The following LCORL variants were observed in gnomAD, a reference collection of about 807,000 sequenced individuals.
LCORL encodes ligand dependent nuclear receptor corepressor like, also known as ligand-dependent nuclear receptor corepressor-like protein.
LCORL carries 41 observed loss-of-function variants against 141.8 expected under a neutral mutation model. That is an observed-to-expected ratio of 0.29 (90% CI 0.23 to 0.38). LCORL has a LOEUF of 0.38. Among genes scored for constraint, LCORL ranks in the 10% least tolerant of loss-of-function variants. The probability of loss-of-function intolerance (pLI) is 1.00; values close to 1 mark genes in which losing one functional copy is unlikely to be tolerated. For missense variants in LCORL, 1,759 were observed against 2,035.0 expected (o/e 0.86, Z 2.61); for synonymous variants, 618 against 694.1 (o/e 0.89, Z 1.72).
At position 17,934,629 on chromosome 4, in the gene LCORL, A is replaced by C. The variant is rs561341430; in HGVS notation, c.431-25284T>G. Among the ~76,000 whole-genome samples, 16 of 152,282 alleles carry C rather than the reference A, an allele frequency of 1.1e-4. No homozygotes were observed. The South Asian group carries it at 3.3e-3, about 32-fold the overall frequency. On this transcript the variant is annotated intron_variant, in intron 4 of 7. Coordinates refer to ENST00000635767, the Ensembl canonical transcript of LCORL. ...AGAAAGGTGTGTTGAAGACAAATTT[A>C]GCTGCAAGTTTTATCATTCAGTAAG...
At chr4:17,977,402 A>C (rs570517459) in intron 1 of LCORL, among the ~76,000 whole-genome samples, 1 of 152,142 alleles carries the variant, frequency 6.6e-6, no homozygotes, top group African/African-American at 2.4e-5. Flanking sequence ...TCACATCCCA[A>C]TCACCACTTG....
At chr4:17,990,105 T>A (rs191329642) in intron 1 of LCORL, among the ~76,000 whole-genome samples, 1 of 150,040 alleles carries the variant, frequency 6.7e-6, no homozygotes, top group Admixed American at 6.7e-5. Flanking sequence ...CGTTTTTTTT[T>A]TTTTTTTTTT....
At chr4:17,944,693 A>G (rs1738557978) in intron 4 of LCORL, among the ~76,000 whole-genome samples, 1 of 152,116 alleles carries the variant, frequency 6.6e-6, no homozygotes, top group African/African-American at 2.4e-5. Context: ...GAGAATTCTT[A>G]TTTTATGAAG....
At position 17,852,042 on chromosome 4, in the gene LCORL, C is replaced by G. The variant is rs78555701; in HGVS notation, c.5603-6141G>C. On this transcript the variant is annotated intron_variant, in intron 7 of 7. Transcript: ENST00000635767. ...TGTTCTATAGTGATTTGTGATCCCACTCTCCTCCCACCCTATCCAGTTTAT... is the reference window on the plus strand; with the variant it reads ...TGTTCTATAGTGATTTGTGATCCCAGTCTCCTCCCACCCTATCCAGTTTAT... 2.7e-3 allele frequency among the ~76,000 whole-genome samples: 406 copies of G among 152,226 alleles called. 4 individuals carry two copies. The highest frequency in any genetic ancestry group is 9.1e-3 in the African/African-American group (378 of 41,524).
In LCORL at chr4:17,918,391, T is replaced by A. The variant is rs1361820636; in HGVS notation, c.431-9046A>T. Among the ~76,000 whole-genome samples the A allele has an allele frequency of 2.0e-5, 3 of 152,044 alleles. No individual in the cohort carries two copies. The East Asian group carries it at 5.8e-4, about 29-fold the overall frequency. On this transcript the variant is annotated intron_variant, in intron 4 of 7. Transcript: ENST00000635767. ...CTCTGAGAAAGCCCATATATTGAAC[T>A]TATTAGACAAAAAAAACTTTAAATC...
chr4:17,947,111 A>C (rs1378965190), intron 4 of LCORL, among the ~76,000 whole-genome samples: 3 of 151,992 alleles, frequency 2.0e-5, no homozygotes, highest in Non-Finnish European at 4.4e-5. Context: ...AATCAAGCTA[A>C]GTGTCCAGCC....
chr4:17,854,980 C>T (rs1724184902), intron 7 of LCORL, among the ~76,000 whole-genome samples: 1 of 152,146 alleles, frequency 6.6e-6, no homozygotes, highest in South Asian at 2.1e-4. Flanking sequence ...CACTCTGGTG[C>T]ATAGTGTGTG....
chr4:17,963,929 A>T (rs1714354056), intron 2 of LCORL, among the ~76,000 whole-genome samples: 1 of 152,072 alleles, frequency 6.6e-6, no homozygotes, highest in African/African-American at 2.4e-5. Context: ...TATCACTGCA[A>T]TTTTCATACT....
chr4:17,865,482 T>A (rs1725531488), intron 7 of LCORL, among the ~76,000 whole-genome samples: 1 of 152,168 alleles, frequency 6.6e-6, no homozygotes, highest in Admixed American at 6.6e-5. Flanking sequence ...GCGTGAGTAC[T>A]GCGCCCAGCC....
chr4:17,992,187 A>G (rs1720147441), intron 1 of LCORL, among the ~76,000 whole-genome samples: 1 of 152,244 alleles, frequency 6.6e-6, no homozygotes, highest in Non-Finnish European at 1.5e-5. Context: ...CAAATAACTT[A>G]CGATCATGGT....
exon 7 of LCORL, chr4:17,876,078 C>A: frequency 1.6e-6 from 2 of 1,231,012 alleles, no homozygotes; most frequent in Non-Finnish European, 2.0e-6. Context: ...GACCCCTTCA[C>A]TACTTTTAAC....
exon 7 of LCORL, chr4:17,874,292 T>A: frequency 8.1e-7 from 1 of 1,233,970 alleles, no homozygotes; most frequent in African/African-American, 1.5e-5. Flanking sequence ...TCTCTGCTGA[T>A]TTTGAAGGAG....
At chr4:17,867,798 A>G (rs1577284853) in intron 7 of LCORL, among the ~76,000 whole-genome samples, 1 of 152,222 alleles carries the variant, frequency 6.6e-6, no homozygotes, top group Non-Finnish European at 1.5e-5. Flanking sequence ...TAGTTGAGAA[A>G]GCAATGGAAT....
At chr4:17,886,047 T>C in intron 6 of LCORL, 21 bp downstream of exon 6, 2 of 1,227,848 alleles carry the variant, frequency 1.6e-6, no homozygotes, top group Non-Finnish European at 2.3e-6. Context: ...TATTAAATTA[T>C]ATTTCCTAGA....
intron 4 of LCORL, among the ~76,000 whole-genome samples, chr4:17,946,361 C>T (rs1044818874): frequency 3.9e-5 from 6 of 151,974 alleles, no homozygotes; most frequent in African/African-American, 1.2e-4. Flanking sequence ...AAACCACACA[C>T]ATGCATGTAA....
At chr4:17,894,620 C>T (rs927310588) in intron 5 of LCORL, among the ~76,000 whole-genome samples, 4 of 152,050 alleles carry the variant, frequency 2.6e-5, no homozygotes, top group African/African-American at 7.2e-5. Flanking sequence ...TAATAGAAAA[C>T]AGCTGAATTC....
Position 17,883,694 on chromosome 4 carries a change from T to A in LCORL, c.776+2374A>T, listed in dbSNP as rs563858112. ...CGCAAACACACACACACACACACAC[T>A]CACAAACATTTTCCTAACAAGTAAT... is the stretch of plus-strand genomic sequence containing the variant. On this transcript the variant is annotated intron_variant, in intron 6 of 7. Coordinates refer to ENST00000635767, the Ensembl canonical transcript of LCORL. 4.7e-4 allele frequency: 680 copies of A among 1,448,824 alleles called. 3 individuals carry two copies. In the African/African-American group the frequency reaches 9.4e-3, roughly 20 times the overall value. The allele number at this position is 1,448,824 out of a possible 1,614,324, so 89.7% of individuals were successfully genotyped here.
At chr4:17,947,693 T>A (rs1218971467) in intron 4 of LCORL, among the ~76,000 whole-genome samples, 1 of 151,944 alleles carries the variant, frequency 6.6e-6, no homozygotes, top group Admixed American at 6.6e-5. Context: ...CAATTTACAA[T>A]AAGAACATTT....
intron 4 of LCORL, among the ~76,000 whole-genome samples, chr4:17,914,406 T>C (rs1052017523): frequency 2.6e-5 from 4 of 152,248 alleles, no homozygotes; most frequent in Admixed American, 6.5e-5. Flanking sequence ...ACTAGGGCTA[T>C]ACTTTAGGAT....
Sources: allele counts gnomAD v4.1 joint callset (sites outside exome capture counted in the v4.1 genomes callset), GRCh38; gene constraint gnomAD v4.1.1; transcripts MANE v1.5; gene names NCBI Gene and HGNC (gene_info 2026-07-23, HGNC 2026-07-21).